PEPD: variants seen among roughly 807,000 people sequenced by gnomAD.
PEPD encodes the protein peptidase D.
In PEPD, 53 loss-of-function variants were observed where a neutral mutation model predicts 60.7. The ratio of observed to expected loss-of-function variants is 0.87; its 90% CI spans 0.70 to 1.10. PEPD has a LOEUF of 1.10. Ranked by LOEUF, PEPD falls within the 50% of genes least tolerant of loss-of-function variation. The pLI is 0.00. For missense variants in PEPD, 711 were observed against 711.9 expected, an observed-to-expected ratio of 1.00 and a Z score of 0.01; for synonymous variants, 267 against 284.1, an observed-to-expected ratio of 0.94 and a Z score of 0.60.
intron 3 of PEPD, among the ~76,000 whole-genome samples, chr19:33,501,235 G>T (rs374577585): frequency 6.4e-4 from 98 of 152,176 alleles, no homozygotes; most frequent in African/African-American, 2.4e-3. Flanking sequence ...AGCAAGCCCC[G>T]CTCCTCCGTG....
chr19:33,470,496 C>T (rs75101047), intron 7 of PEPD, among the ~76,000 whole-genome samples: 1,779 of 152,224 alleles, frequency 0.012, 27 homozygotes, highest in South Asian at 0.07. Flanking sequence ...TCGGAGACGA[C>T]CCCCTTCTAC....
chr19:33,480,854 T>C lies in PEPD; in HGVS notation c.504-2764A>G, dbSNP rs747880163. Among the ~76,000 whole-genome samples, 147 of 147,078 alleles carry C rather than the reference T, an allele frequency of 1.0e-3. 1 individual carries two copies. The highest frequency in any genetic ancestry group is 8.7e-4 in the South Asian group (4 of 4,616). ...TGTGTGTGTGTGTATATCAAAAACC[T>C]AACACGTAGCTCTAAAATACTCAGC... is the stretch of plus-strand genomic sequence containing the variant. On this transcript the variant is annotated intron_variant, in intron 6 of 14. Transcript: ENST00000244137.
intron 9 of PEPD, among the ~76,000 whole-genome samples, chr19:33,438,496 C>A (rs1386645082): frequency 6.6e-6 from 1 of 152,242 alleles, no homozygotes; most frequent in Non-Finnish European, 1.5e-5. Flanking sequence ...TACGTCAGGG[C>A]ACTCTATGCC....
chr19:33,511,120 C>T lies in PEPD; in HGVS notation c.237G>A (p.Glu79=). Residue 79 remains glutamate (E), a synonymous_variant, in exon 3 of 15, where the codon GAG becomes GAA. Transcript: ENST00000244137. ...CATCGATGACACCATAGCAGCCTGG[C>T]TCAGTGACACCGAACGCCCAGTGAA... The part of the protein sequence containing the change: ...SFFHWAFGVT[E]PGCYGVIDVD... 6.2e-7 allele frequency: 1 copy of T among 1,614,052 alleles called. No individual in the cohort carries two copies. Among genetic ancestry groups the T allele is most frequent in the Non-Finnish European group, 8.5e-7 (1 of 1,179,944 alleles).
chr19:33,514,676 G>A (rs1252383029), intron 1 of PEPD, among the ~76,000 whole-genome samples: 1 of 151,708 alleles, frequency 6.6e-6, no homozygotes, highest in Middle Eastern at 3.2e-3. Flanking sequence ...AGGAGAGGGA[G>A]GAAGACAGTG....
At chr19:33,482,789 G>A (rs946408336) in intron 6 of PEPD, among the ~76,000 whole-genome samples, 8 of 152,126 alleles carry the variant, frequency 5.3e-5, no homozygotes, top group African/African-American at 1.4e-4. Flanking sequence ...ATGGACAAAC[G>A]AAATGTGGTA....
intron 9 of PEPD, among the ~76,000 whole-genome samples, chr19:33,459,153 C>T (rs1029989023): frequency 3.7e-4 from 57 of 152,188 alleles, no homozygotes; most frequent in Non-Finnish European, 1.3e-4. Flanking sequence ...GAAGGGTCTC[C>T]AGTGGGTCTT....
intron 7 of PEPD, among the ~76,000 whole-genome samples, chr19:33,470,864 A>G (rs186314669): frequency 1.5e-3 from 221 of 152,106 alleles, no homozygotes; most frequent in Middle Eastern, 3.4e-3. Context: ...GCAGCCCAAA[A>G]TCCCTCTGCC....
intron 11 of PEPD, among the ~76,000 whole-genome samples, chr19:33,405,944 G>A (rs541840632): frequency 9.8e-5 from 15 of 152,338 alleles, no homozygotes; most frequent in East Asian, 5.8e-4. Flanking sequence ...GAGCAGCTGC[G>A]TCCTGTGGGC....
At chr19:33,392,451 C>T (rs575886574) in intron 12 of PEPD, among the ~76,000 whole-genome samples, 15 of 152,342 alleles carry the variant, frequency 9.8e-5, no homozygotes, top group African/African-American at 2.2e-4. Flanking sequence ...GACTCGAGGC[C>T]GGTGAGGCCT....
chr19:33,419,850 C>G (rs1342432231), intron 9 of PEPD, among the ~76,000 whole-genome samples: 2 of 151,902 alleles, frequency 1.3e-5, no homozygotes, highest in African/African-American at 4.8e-5. Context: ...AAAGCAGGAG[C>G]TGGGGTCTGA....
intron 11 of PEPD, among the ~76,000 whole-genome samples, chr19:33,406,672 G>A (rs1968632242): frequency 6.6e-6 from 1 of 152,216 alleles, no homozygotes; most frequent in Admixed American, 6.5e-5. Context: ...CCAGGAGCTT[G>A]TCACCCATGG....
chr19:33,397,461 C>T (rs923350309), intron 12 of PEPD, among the ~76,000 whole-genome samples: 2 of 152,080 alleles, frequency 1.3e-5, no homozygotes, highest in Non-Finnish European at 2.9e-5. Context: ...CTCCTCGATG[C>T]TACGGGAGGC....
At chr19:33,422,047 C>T (rs928589642) in intron 9 of PEPD, among the ~76,000 whole-genome samples, 10 of 152,072 alleles carry the variant, frequency 6.6e-5, no homozygotes, top group Admixed American at 5.9e-4. Flanking sequence ...ACACCAACCC[C>T]GGCTTCCCAT....
At chr19:33,472,478 C>G (rs1285645439) in intron 7 of PEPD, among the ~76,000 whole-genome samples, 1 of 152,172 alleles carries the variant, frequency 6.6e-6, no homozygotes, top group Non-Finnish European at 1.5e-5. Context: ...CTCAAACAGA[C>G]AGGGAGGCTG....
At chr19:33,498,553 C>A (rs1970650487) in intron 4 of PEPD, among the ~76,000 whole-genome samples, 1 of 152,328 alleles carries the variant, frequency 6.6e-6, no homozygotes, top group Non-Finnish European at 1.5e-5. Flanking sequence ...GACTCAGCAG[C>A]TGAGTCCAGG....
At chr19:33,477,457 G>A (rs1342589527) in intron 7 of PEPD, among the ~76,000 whole-genome samples, 1 of 152,228 alleles carries the variant, frequency 6.6e-6, no homozygotes, top group Non-Finnish European at 1.5e-5. Context: ...ATGCCTTGCT[G>A]CTGTCAAAGA....
intron 9 of PEPD, among the ~76,000 whole-genome samples, chr19:33,458,628 G>C (rs1969864378): frequency 7.1e-6 from 1 of 140,674 alleles, no homozygotes; most frequent in African/African-American, 2.6e-5. Flanking sequence ...TGTGTGATGT[G>C]TGTGGCGTGT....
chr19:33,447,827 A>C (rs1358002055), intron 9 of PEPD, among the ~76,000 whole-genome samples: 2 of 152,144 alleles, frequency 1.3e-5, no homozygotes. Context: ...CACACTGCCC[A>C]TCCTCCATGC....
Sources: allele counts gnomAD v4.1 joint callset (sites outside exome capture counted in the v4.1 genomes callset), GRCh38; gene constraint gnomAD v4.1.1; transcripts MANE v1.5; gene names NCBI Gene and HGNC (gene_info 2026-07-23, HGNC 2026-07-21).